Variants in PDE9A observed in about 807,000 individuals in gnomAD.
PDE9A encodes the protein phosphodiesterase 9A, also known as high affinity cGMP-specific 3',5'-cyclic phosphodiesterase 9A.
PDE9A carries 60 observed loss-of-function variants against 87.4 expected under a neutral mutation model. The ratio of observed to expected loss-of-function variants is 0.69; its 90% CI spans 0.56 to 0.85. The LOEUF is 0.85. PDE9A is among the 40% of genes least tolerant of loss of function. The pLI is 0.00. For synonymous variants in PDE9A, 272 were observed against 279.4 expected, an observed-to-expected ratio of 0.97 and a Z score of 0.27; for missense variants, 665 against 779.0, an observed-to-expected ratio of 0.85 and a Z score of 1.74.
At chr21:42,670,471 GACTT>G (rs2058457470) in intron 1 of PDE9A, among the ~76,000 whole-genome samples, 1 of 149,214 alleles carries the variant, frequency 6.7e-6, no homozygotes, top group African/African-American at 2.5e-5. Context: ...CTTGCACATA[GACTT>G]ACACACATAC....
At position 42,739,604 on chromosome 21, in the gene PDE9A, T is replaced by G. The variant is rs906433994; in HGVS notation, c.569-4172T>G. On this transcript the variant is annotated intron_variant, in intron 7 of 19. Transcript: ENST00000291539. The surrounding 1 kb of genome is among the most constrained non-coding windows in gnomAD (Gnocchi z 4.1). Reference sequence around the variant, plus strand: ...CTTGGCCAACAGCCTCTTCATAAACTTAATTGCCACAAATTCTGCATCTCT... The same window carrying G: ...CTTGGCCAACAGCCTCTTCATAAACGTAATTGCCACAAATTCTGCATCTCT... Among the ~76,000 whole-genome samples the G allele has an allele frequency of 7.2e-5, 11 of 152,204 alleles. No homozygotes were observed. Among genetic ancestry groups the G allele is most frequent in the Non-Finnish European group, 1.6e-4 (11 of 68,042 alleles).
At position 42,694,395 on chromosome 21, in the gene PDE9A, G is replaced by A. The variant is rs2060036629; in HGVS notation, c.219-4573G>A. ...ATGCTTGGATTCCTGCAGGTGGCTG[G>A]TTGCACCTAGCTTGCTTGGATTCTT... On this transcript the variant is annotated intron_variant, in intron 3 of 19. Transcript: ENST00000291539. This position sits in a 1 kb window ranked among gnomAD's most constrained non-coding sequence, Gnocchi z 5.3. Among the ~76,000 whole-genome samples, 1 of 152,172 alleles carries A rather than the reference G, an allele frequency of 6.6e-6. No individual in the cohort carries two copies. Among genetic ancestry groups the A allele is most frequent in the South Asian group, 2.1e-4 (1 of 4,834 alleles).
chr21:42,721,061 G>A (rs1205040671), intron 4 of PDE9A, among the ~76,000 whole-genome samples: 1 of 151,734 alleles, frequency 6.6e-6, no homozygotes, highest in African/African-American at 2.4e-5. Flanking sequence ...ACAGCACCCA[G>A]AGCATAGTAA....
chr21:42,715,188 C>CTTTTTTT (rs369972172), intron 4 of PDE9A, among the ~76,000 whole-genome samples: 11 of 104,648 alleles, frequency 1.1e-4, no homozygotes, highest in African/African-American at 2.8e-4. Flanking sequence ...TGCATCTTTA[C>CTTTTTTT]TTTTTTTTTT....
chr21:42,717,828 G>A (rs1035614807), intron 4 of PDE9A, among the ~76,000 whole-genome samples: 138 of 151,910 alleles, frequency 9.1e-4, no homozygotes, highest in African/African-American at 3.2e-3. Flanking sequence ...TGTTTCTGAT[G>A]AGAAGTCAGC....
Position 42,711,655 on chromosome 21 carries a change from CTTAAT to C in PDE9A, c.262+12649_262+12653del, listed in dbSNP as rs1002496806. ...TAGAGTTATAGCTGTTATGTTTTTT[CTTAAT>C]TTAAAGAAAATTTTTAACAACCCAA... is the stretch of plus-strand genomic sequence containing the variant. On this transcript the variant is annotated intron_variant, in intron 4 of 19. Coordinates refer to ENST00000291539, the MANE Select transcript of PDE9A (RefSeq NM_002606.3). Among the ~76,000 whole-genome samples the C allele has an allele frequency of 8.5e-5, 13 of 152,140 alleles. No homozygotes were observed. In the East Asian group the frequency reaches 1.5e-3, roughly 18 times the overall value.
intron 1 of PDE9A, among the ~76,000 whole-genome samples, chr21:42,658,617 C>T (rs2057267180): frequency 6.6e-6 from 1 of 152,208 alleles, no homozygotes; most frequent in East Asian, 1.9e-4. Context: ...CATCTCTGCT[C>T]AATTGTGCAG....
Position 42,692,535 on chromosome 21 carries a change from G to A in PDE9A, c.218+4541G>A, listed in dbSNP as rs1292543838. Among the ~76,000 whole-genome samples the A allele has an allele frequency of 6.6e-6, 1 of 152,090 alleles. No individual in the cohort carries two copies. The highest frequency in any genetic ancestry group is 2.4e-5 in the African/African-American group (1 of 41,428). On this transcript the variant is annotated intron_variant, in intron 3 of 19. Transcript: ENST00000291539. This position sits in a 1 kb window ranked among gnomAD's most constrained non-coding sequence, Gnocchi z 4.3. ...AGACAACTGCGTCAGAATCCGCAGG[G>A]GGCTTGGTGGAGCACAGAGCTCCCC...
At chr21:42,683,427 G>A (rs2059276205) in intron 1 of PDE9A, among the ~76,000 whole-genome samples, 1 of 152,240 alleles carries the variant, frequency 6.6e-6, no homozygotes, top group African/African-American at 2.4e-5. Flanking sequence ...GGGGGCATTG[G>A]AGTAAAAGCT....
intron 4 of PDE9A, among the ~76,000 whole-genome samples, chr21:42,711,502 C>T (rs1470337560): frequency 3.3e-5 from 5 of 151,990 alleles, no homozygotes; most frequent in South Asian, 2.1e-4. Flanking sequence ...CCACCCACCT[C>T]GGCCTCCCAA....
intron 6 of PDE9A, 128 bp downstream of exon 6, chr21:42,732,252 C>T (rs1602329105): frequency 1.2e-6 from 1 of 842,576 alleles, no homozygotes; most frequent in East Asian, 2.6e-5. Context: ...CCTGGAGGAG[C>T]TGCCCGCACG....
chr21:42,744,705 A>G (rs2053661745), intron 8 of PDE9A, among the ~76,000 whole-genome samples: 1 of 152,132 alleles, frequency 6.6e-6, no homozygotes, highest in Admixed American at 6.5e-5. Context: ...CCACGATGCC[A>G]CCTCCAAAGT....
At chr21:42,670,364 AC>A (rs370277054) in intron 1 of PDE9A, among the ~76,000 whole-genome samples, 1 of 105,476 alleles carries the variant, frequency 9.5e-6, no homozygotes, top group African/African-American at 4.5e-5. Context: ...ACATCCACAC[AC>A]ACATTCACAC....
intron 1 of PDE9A, among the ~76,000 whole-genome samples, chr21:42,664,864 G>C (rs1471931891): frequency 1.3e-5 from 2 of 152,182 alleles, no homozygotes; most frequent in Non-Finnish European, 2.9e-5. Context: ...TCCTGCCATT[G>C]ACCTCTGTTC....
chr21:42,678,361 G>T (rs1228265005), intron 1 of PDE9A, among the ~76,000 whole-genome samples: 1 of 152,232 alleles, frequency 6.6e-6, no homozygotes, highest in Non-Finnish European at 1.5e-5. Flanking sequence ...AAATGGGGCA[G>T]AGACAGTGAA....
chr21:42,662,846 CACACAT>C (rs1373268010), intron 1 of PDE9A, among the ~76,000 whole-genome samples: 7 of 142,498 alleles, frequency 4.9e-5, no homozygotes, highest in African/African-American at 1.9e-4. Flanking sequence ...CCACACACCA[CACACAT>C]GCACATCACA....
chr21:42,692,309 A>T lies in PDE9A; in HGVS notation c.218+4315A>T, dbSNP rs1569157135. ...GACATTTCTGGATGTCACCAGGGGTAAGGGCCTGCTACTTGTATCTGATGG... is the reference window on the plus strand; with the variant it reads ...GACATTTCTGGATGTCACCAGGGGTTAGGGCCTGCTACTTGTATCTGATGG... On this transcript the variant is annotated intron_variant, in intron 3 of 19. Transcript: ENST00000291539. The surrounding 1 kb of genome is among the most constrained non-coding windows in gnomAD (Gnocchi z 4.3). Among the ~76,000 whole-genome samples the T allele has an allele frequency of 6.6e-6, 1 of 152,134 alleles. No homozygotes were observed. Among genetic ancestry groups the T allele is most frequent in the Non-Finnish European group, 1.5e-5 (1 of 68,032 alleles).
intron 1 of PDE9A, among the ~76,000 whole-genome samples, chr21:42,670,565 C>CAT (rs2058474691): frequency 6.7e-6 from 1 of 150,282 alleles, no homozygotes; most frequent in African/African-American, 2.5e-5. Flanking sequence ...CACATTCACA[C>CAT]ATACACACAC....
rs768924865 is a variant in PDE9A at position 42,775,263 on chromosome 21, C to T, written c.1769-17C>T. The T allele has an allele frequency of 6.2e-6, 10 of 1,611,924 alleles. No homozygotes were observed. The highest frequency in any genetic ancestry group is 7.6e-6 in the Non-Finnish European group (9 of 1,179,108). Reference sequence around the variant, plus strand: ...ATTCTAACAAAAACAAATCAGTCATCGTTTCCCTTCTTCCAGGAGACTGTG... The same window carrying T: ...ATTCTAACAAAAACAAATCAGTCATTGTTTCCCTTCTTCCAGGAGACTGTG... On this transcript the variant is annotated splice_polypyrimidine_tract_variant and intron_variant, in intron 19 of 19. Coordinates refer to ENST00000291539, the MANE Select transcript of PDE9A (RefSeq NM_002606.3).
Sources: gnomAD v4.1 joint callset for allele counts (sites outside exome capture counted in the v4.1 genomes callset) on GRCh38, gnomAD v4.1.1 for gene constraint, Gnocchi (gnomAD v3.1) non-coding constraint, MANE v1.5 for transcripts, NCBI Gene and HGNC (gene_info 2026-07-23, HGNC 2026-07-21) for gene names.